The following KIF21A variants were observed in gnomAD, a reference collection of about 807,000 sequenced individuals.
KIF21A encodes the protein kinesin family member 21A.
In KIF21A, 114 loss-of-function variants were observed where a neutral mutation model predicts 202.9. The observed-to-expected ratio is 0.56, with a 90% CI of 0.48 to 0.66. The LOEUF (loss-of-function observed/expected upper bound fraction) is 0.66, where lower values mean the gene tolerates loss of function less well. Ranked by LOEUF, KIF21A falls within the 30% of genes least tolerant of loss-of-function variation. KIF21A has a pLI of 0.00. For missense variants in KIF21A, 1,677 were observed against 1,994.9 expected, an observed-to-expected ratio of 0.84 and a Z score of 3.04; for synonymous variants, 667 against 670.8, an observed-to-expected ratio of 0.99 and a Z score of 0.09.
chr12:39,297,287 C>T (rs111402541), intron 37 of KIF21A, among the ~76,000 whole-genome samples: 9,797 of 152,050 alleles, frequency 0.064, 1,043 homozygotes, highest in African/African-American at 0.22. Context: ...CACATGCACA[C>T]GTATGTTTAT....
At position 39,333,964 on chromosome 12, in the gene KIF21A, G is replaced by C. The variant is rs940258690; in HGVS notation, c.2419-684C>G. ...TGCCTGTAATCCCAGCACTTTGGGAGGTCAAGGTGGGAGAATCACTTCAGG... is the reference window on the plus strand; with the variant it reads ...TGCCTGTAATCCCAGCACTTTGGGACGTCAAGGTGGGAGAATCACTTCAGG... On this transcript the variant is annotated intron_variant, in intron 17 of 37. Coordinates refer to ENST00000361418, the MANE Select transcript of KIF21A (RefSeq NM_001173464.2). 7.9e-5 allele frequency among the ~76,000 whole-genome samples: 12 copies of C among 152,098 alleles called. No homozygotes were observed. The East Asian group carries it at 2.1e-3, about 27-fold the overall frequency.
chr12:39,336,071 G>A (rs1240596125), intron 17 of KIF21A, among the ~76,000 whole-genome samples: 2 of 152,068 alleles, frequency 1.3e-5, no homozygotes, highest in Non-Finnish European at 2.9e-5. Context: ...CCAATAATAA[G>A]GGAAAAAGTG....
At chr12:39,388,060 T>C (rs1459742675) in intron 1 of KIF21A, among the ~76,000 whole-genome samples, 3 of 152,280 alleles carry the variant, frequency 2.0e-5, no homozygotes. Context: ...TATTGGAATT[T>C]GCATGTTTGT....
chr12:39,340,208 A>G lies in KIF21A; in HGVS notation c.2267T>C (p.Leu756Ser). ...LKNQSQYEKQ[L>S]KKLQQDVMEM... is the part of the protein sequence containing the mutation. ...CATCACATCCTGCTGCAATTTCTTC[A>G]ATTGCTTTTCATACTGAGACTGATT... is the stretch of plus-strand genomic sequence containing the variant. Residue 756 changes from leucine (L) to serine (S), a missense_variant, in exon 16 of 38, where the codon TTG becomes TCG. By Grantham distance (145) the Leu-to-Ser change is moderately radical. Coordinates refer to ENST00000361418, the MANE Select transcript of KIF21A (RefSeq NM_001173464.2). The G allele has an allele frequency of 5.0e-6, 8 of 1,612,932 alleles. No homozygotes were observed. The highest frequency in any genetic ancestry group is 6.8e-6 in the Non-Finnish European group (8 of 1,179,578).
At chr12:39,367,654 G>T (rs1949688390) in intron 4 of KIF21A, among the ~76,000 whole-genome samples, 1 of 152,092 alleles carries the variant, frequency 6.6e-6, no homozygotes. Context: ...TTCATAAATT[G>T]CCTTAGATTC....
intron 32 of KIF21A, among the ~76,000 whole-genome samples, chr12:39,310,265 T>C (rs946592472): frequency 6.6e-6 from 1 of 152,120 alleles, no homozygotes; most frequent in African/African-American, 2.4e-5. Context: ...TCTGATATGT[T>C]GAATATCTAA....
In KIF21A at chr12:39,332,238, G is replaced by A; in HGVS notation, c.3027C>T (p.Asn1009=). The A allele has an allele frequency of 1.2e-6, 2 of 1,613,826 alleles. No individual in the cohort carries two copies. Among genetic ancestry groups the A allele is most frequent in the Non-Finnish European group, 1.7e-6 (2 of 1,179,914 alleles). The change falls in exon 21 of 38, where the codon AAC becomes AAT. Residue 1009 remains asparagine, a synonymous_variant. Transcript: ENST00000361418. Reference sequence around the variant, plus strand: ...CCTTTGCTTCTTCCATCTGCATTATGTTGGCCTGACAATCAGAAATACTGT... The same window carrying A: ...CCTTTGCTTCTTCCATCTGCATTATATTGGCCTGACAATCAGAAATACTGT... ...INDSISDCQA[N]IMQMEEAKEE... is the part of the protein sequence containing the mutation.
intron 1 of KIF21A, among the ~76,000 whole-genome samples, chr12:39,380,904 T>C (rs1592443924): frequency 1.3e-5 from 2 of 152,184 alleles, no homozygotes; most frequent in South Asian, 2.1e-4. Context: ...ACCAATTATA[T>C]ACAGAATTTT....
intron 35 of KIF21A, 81 bp from the exon 36 acceptor site, chr12:39,303,216 C>T (rs1462919935): frequency 3.5e-6 from 4 of 1,152,806 alleles, no homozygotes; most frequent in Non-Finnish European, 5.2e-6. Context: ...GAAACACATA[C>T]ACATGTATGT....
At chr12:39,408,246 G>A (rs188215180) in intron 1 of KIF21A, among the ~76,000 whole-genome samples, 18 of 152,184 alleles carry the variant, frequency 1.2e-4, no homozygotes, top group Admixed American at 7.2e-4. Context: ...ACCTCAGATC[G>A]TCAGGCATTA....
chr12:39,403,205 C>G (rs1218710615), intron 1 of KIF21A, among the ~76,000 whole-genome samples: 1 of 152,246 alleles, frequency 6.6e-6, no homozygotes, highest in East Asian at 1.9e-4. Context: ...CACCTGGGGG[C>G]TCTATGCAAA....
intron 34 of KIF21A, among the ~76,000 whole-genome samples, chr12:39,305,535 T>C (rs1011693542): frequency 4.6e-5 from 7 of 152,050 alleles, no homozygotes; most frequent in African/African-American, 1.4e-4. Flanking sequence ...TAGGTGTGCA[T>C]CACCAGCTTT....
intron 1 of KIF21A, among the ~76,000 whole-genome samples, chr12:39,422,614 T>C (rs1403138502): frequency 6.6e-6 from 1 of 152,192 alleles, no homozygotes; most frequent in Non-Finnish European, 1.5e-5. Context: ...TTAGCCACTT[T>C]TTCCCAGTTA....
Position 39,319,868 on chromosome 12 carries a change from TAATA to T in KIF21A, c.3779+34_3779+37del, listed in dbSNP as rs746357375. ...TTAGCATCTAAGTGCAGCAGGCATTTAATACAGTCTAGCAGGTAAAAAACATTAG... is the reference window on the plus strand; with the variant it reads ...TTAGCATCTAAGTGCAGCAGGCATTTCAGTCTAGCAGGTAAAAAACATTAG... On this transcript the variant is annotated intron_variant, in intron 28 of 37. Transcript: ENST00000361418. 1.5e-5 allele frequency: 18 copies of T among 1,171,840 alleles called. No individual in the cohort carries two copies. In the East Asian group the frequency reaches 4.3e-4, roughly 28 times the overall value. 72.6% of individuals were successfully genotyped at this position (1,171,840 alleles called of 1,614,324 possible). A position where few individuals can be genotyped will look rare whatever the true frequency, so the allele number is the denominator to read the frequency against.
intron 27 of KIF21A, among the ~76,000 whole-genome samples, chr12:39,320,575 G>A (rs1945103020): frequency 6.6e-6 from 1 of 151,558 alleles, no homozygotes; most frequent in African/African-American, 2.4e-5. Flanking sequence ...CCAAATGTCT[G>A]CTTGTAATTA....
chr12:39,426,330 C>T (rs533705101), intron 1 of KIF21A, among the ~76,000 whole-genome samples: 19 of 152,280 alleles, frequency 1.2e-4, no homozygotes, highest in African/African-American at 4.1e-4. Flanking sequence ...CATGTACACG[C>T]ATGTATGCGT....
intron 28 of KIF21A, among the ~76,000 whole-genome samples, chr12:39,319,155 G>A (rs1475610916): frequency 1.3e-5 from 2 of 152,112 alleles, no homozygotes; most frequent in Non-Finnish European, 2.9e-5. Flanking sequence ...TTATGTCAAA[G>A]AAATTAAAGT....
At chr12:39,314,267 A>G (rs532349581) in intron 31 of KIF21A, among the ~76,000 whole-genome samples, 1 of 151,838 alleles carries the variant, frequency 6.6e-6, no homozygotes, top group African/African-American at 2.4e-5. Context: ...ATTTGCATAC[A>G]TGTGTCAATT....
At chr12:39,385,863 T>C (rs979898907) in intron 1 of KIF21A, among the ~76,000 whole-genome samples, 4 of 152,154 alleles carry the variant, frequency 2.6e-5, no homozygotes, top group African/African-American at 4.8e-5. Context: ...GAAAGGCAAA[T>C]TGCAGACCAA....
Sources: gnomAD v4.1 joint callset for allele counts (sites outside exome capture counted in the v4.1 genomes callset) on GRCh38, gnomAD v4.1.1 for gene constraint, MANE v1.5 for transcripts, NCBI Gene and HGNC (gene_info 2026-07-23, HGNC 2026-07-21) for gene names.